Variants in FDFT1 observed in about 807,000 individuals in gnomAD.
FDFT1 encodes the protein squalene synthase.
FDFT1 carries 68 observed loss-of-function variants against 46.8 expected under a neutral mutation model. The observed-to-expected ratio is 1.45, with a 90% CI of 1.19 to 1.78. The LOEUF is 1.78. Ranked by LOEUF, FDFT1 falls within the 40% of genes most tolerant of loss-of-function variation. FDFT1 has a pLI of 0.00. For missense variants in FDFT1, 928 were observed against 524.4 expected (o/e 1.77, Z -7.52); for synonymous variants, 351 against 185.1 (o/e 1.90, Z -7.28).
At chr8:11,834,646 G>C (rs527756875) in intron 7 of FDFT1, among the ~76,000 whole-genome samples, 1 of 152,286 alleles carries the variant, frequency 6.6e-6, no homozygotes, top group African/African-American at 2.4e-5. Context: ...TGCTTTAATG[G>C]AAGTTTAGAT....
intron 3 of FDFT1, among the ~76,000 whole-genome samples, chr8:11,819,713 C>G (rs533379149): frequency 1.3e-4 from 20 of 152,198 alleles, no homozygotes; most frequent in Admixed American, 5.2e-4. Flanking sequence ...TTAAGCTCTT[C>G]TCTACACTGG....
chr8:11,838,273 C>T (rs896982153), intron 7 of FDFT1, 115 bp from the exon 8 acceptor site: 2 of 786,104 alleles, frequency 2.5e-6, no homozygotes, highest in Non-Finnish European at 2.2e-6. Flanking sequence ...TCTGAGCCTC[C>T]CTTTCCTCAT....
At chr8:11,814,317 T>TG (rs1190222875) in intron 3 of FDFT1, among the ~76,000 whole-genome samples, 7 of 151,278 alleles carry the variant, frequency 4.6e-5, no homozygotes, top group Admixed American at 1.3e-4. Context: ...TTTTTTTTTT[T>TG]GGAGGGACAT....
chr8:11,814,252 A>C (rs1042478864), intron 3 of FDFT1, among the ~76,000 whole-genome samples: 1 of 152,170 alleles, frequency 6.6e-6, no homozygotes, highest in East Asian at 1.9e-4. Flanking sequence ...CTGTTGTGCA[A>C]AGAAAAACTT....
At chr8:11,797,677 AC>A (rs1805704025), upstream of FDFT1, among the ~76,000 whole-genome samples, 1 of 151,734 alleles carries the variant, frequency 6.6e-6, no homozygotes, top group Non-Finnish European at 1.5e-5. Context: ...AACAAAAAAA[AC>A]GGTGGGGGAG....
chr8:11,831,715 T>C, intron 7 of FDFT1, 45 bp downstream of exon 7: 16 of 1,493,580 alleles, frequency 1.1e-5, no homozygotes, highest in Non-Finnish European at 1.3e-5. Context: ...GCTACTTTTA[T>C]GATTTAGTAA....
At chr8:11,829,713 T>C (rs1267413171) in intron 5 of FDFT1, among the ~76,000 whole-genome samples, 3 of 152,216 alleles carry the variant, frequency 2.0e-5, no homozygotes, top group African/African-American at 7.2e-5. Flanking sequence ...CGTAACTCAC[T>C]TCCAGGTTGC....
chr8:11,830,263 A>G lies in FDFT1; in HGVS notation c.722A>G (p.Lys241Arg). The G allele has an allele frequency of 1.2e-6, 2 of 1,613,968 alleles. No individual in the cohort carries two copies. The highest frequency in any genetic ancestry group is 2.2e-5 in the East Asian group (1 of 44,884). Reference sequence around the variant, plus strand: ...GTCTAGGTTTGGAGCAGGTATGTTAAGAAGTTAGGGGATTTTGCTAAGCCG... The same window carrying G: ...GTCTAGGTTTGGAGCAGGTATGTTAGGAAGTTAGGGGATTTTGCTAAGCCG... ...WPQEVWSRYV[K>R]KLGDFAKPEN... is the part of the protein sequence containing the mutation. The change falls in exon 6 of 8, where the codon AAG becomes AGG. Residue 241 changes from lysine (K) to arginine (R), a missense_variant. Coordinates refer to ENST00000220584, the MANE Select transcript of FDFT1 (RefSeq NM_004462.5).
At position 11,830,394 on chromosome 8, in the gene FDFT1, GTGTT is replaced by G; in HGVS notation, c.855_858del (p.Phe286ThrfsTer8). ...CCTTTCGAGACTCAGAAACCAGAGT[GTGTT>G]TAACTTCTGTGCTATTCCACAGGTA... On this transcript the variant is annotated frameshift_variant, in exon 6 of 8. Transcript: ENST00000220584. LOFTEE classifies it high-confidence loss of function. 1 of 1,613,704 alleles carries G rather than the reference GTGTT, an allele frequency of 6.2e-7. No individual in the cohort carries two copies. Among genetic ancestry groups the G allele is most frequent in the Non-Finnish European group, 8.5e-7 (1 of 1,179,778 alleles).
upstream of FDFT1, chr8:11,802,333 A>T: frequency 7.3e-6 from 3 of 412,568 alleles, no homozygotes; most frequent in Admixed American, 8.4e-5. Flanking sequence ...CGACTTATTG[A>T]CCAAGTGGGG....
intron 1 of FDFT1, among the ~76,000 whole-genome samples, chr8:11,797,014 T>C (rs1017001579): frequency 5.9e-5 from 9 of 152,246 alleles, no homozygotes; most frequent in Admixed American, 5.2e-4. Flanking sequence ...AAGGACAGTT[T>C]CTGAAGACAT....
Position 11,831,666 on chromosome 8 carries a change from A to C in FDFT1, c.1028A>C (p.Glu343Ala). ...AVKAIIYQYM[E>A]EIYHRIPDSD... ...AAAGCCATCATATATCAGTATATGGAAGAGGTGGGTTTTTATTTAACTACT... is the reference window on the plus strand; with the variant it reads ...AAAGCCATCATATATCAGTATATGGCAGAGGTGGGTTTTTATTTAACTACT... Residue 343 changes from glutamate (E) to alanine (A), a missense_variant, in exon 7 of 8, where the codon GAA becomes GCA. Coordinates refer to ENST00000220584, the MANE Select transcript of FDFT1 (RefSeq NM_004462.5). The C allele has an allele frequency of 6.2e-7, 1 of 1,611,442 alleles. No homozygotes were observed. Among genetic ancestry groups the C allele is most frequent in the Non-Finnish European group, 8.5e-7 (1 of 1,177,686 alleles).
At chr8:11,798,420 C>A (rs1805780651), upstream of FDFT1, among the ~76,000 whole-genome samples, 1 of 152,146 alleles carries the variant, frequency 6.6e-6, no homozygotes, top group African/African-American at 2.4e-5. Context: ...GGGAAGTCAA[C>A]TTCAACATGG....
At chr8:11,816,394 A>G (rs911652885) in intron 3 of FDFT1, among the ~76,000 whole-genome samples, 3 of 152,144 alleles carry the variant, frequency 2.0e-5, no homozygotes, top group East Asian at 1.9e-4. Flanking sequence ...GTTTTTTCCA[A>G]TTCTGTGAAG....
chr8:11,820,869 C>A (rs903029839), intron 3 of FDFT1, among the ~76,000 whole-genome samples: 1 of 152,232 alleles, frequency 6.6e-6, no homozygotes, highest in Non-Finnish European at 1.5e-5. Context: ...CCTCCATGGG[C>A]TGCACCCACT....
At chr8:11,825,317 A>G (rs1352591654) in intron 4 of FDFT1, among the ~76,000 whole-genome samples, 34 of 151,990 alleles carry the variant, frequency 2.2e-4, no homozygotes, top group Admixed American at 2.2e-3. Context: ...CAAGGCTGGC[A>G]GATCAGTTGA....
chr8:11,802,449 A>G (rs183774305), upstream of FDFT1: 756 of 462,656 alleles, frequency 1.6e-3, 6 homozygotes, highest in African/African-American at 0.012. Context: ...TCGCGCTCCC[A>G]GCCGGGGTAA....
At chr8:11,802,076 C>CT, upstream of FDFT1, 1 of 455,466 alleles carries the variant, frequency 2.2e-6, no homozygotes, top group Non-Finnish European at 4.4e-6. Context: ...GCTTCAGCTC[C>CT]TTTTTCTAGG....
chr8:11,810,669 A>G (rs987020767), intron 3 of FDFT1, among the ~76,000 whole-genome samples: 3 of 152,220 alleles, frequency 2.0e-5, no homozygotes, highest in African/African-American at 4.8e-5. Flanking sequence ...AGGTCCTACT[A>G]TCCTAGAATT....
Sources: allele counts gnomAD v4.1 joint callset (sites outside exome capture counted in the v4.1 genomes callset), GRCh38; gene constraint gnomAD v4.1.1; transcripts MANE v1.5; gene names NCBI Gene and HGNC (gene_info 2026-07-23, HGNC 2026-07-21).